Variants in ASPRV1 observed in about 807,000 individuals in gnomAD.
ASPRV1 encodes aspartic peptidase retroviral like 1.
A neutral mutation model predicts 11.0 loss-of-function variants in ASPRV1; 7 were observed. The ratio of observed to expected loss-of-function variants is 0.64; its 90% CI spans 0.36 to 1.20. ASPRV1 has a LOEUF of 1.20. Among genes scored for constraint, ASPRV1 ranks in the 50% most tolerant of loss-of-function variants. ASPRV1 has a pLI of 0.02. For missense variants in ASPRV1, 299 were observed against 320.0 expected (o/e 0.93, Z 0.50); for synonymous variants, 136 against 138.4 (o/e 0.98, Z 0.12).
chr2:70,049,947 C>T, the ASPRV1 span: 2 of 152,168 alleles, frequency 1.3e-5, no homozygotes, highest in East Asian at 1.9e-4. Flanking sequence ...CTTGCTCTTG[C>T]TTCTCCTTTA....
the ASPRV1 span, chr2:70,055,935 T>A: frequency 2.0e-5 from 3 of 152,064 alleles, no homozygotes; most frequent in South Asian, 2.1e-4. Flanking sequence ...AAAATTAAAA[T>A]TTTTAAAAAG....
chr2:70,082,285 T>C, the ASPRV1 span, among the ~76,000 whole-genome samples: 8 of 152,006 alleles, frequency 5.3e-5, no homozygotes, highest in East Asian at 3.9e-4. Flanking sequence ...TAAATAGCTA[T>C]AGGCCAGGCA....
the ASPRV1 span, among the ~76,000 whole-genome samples, chr2:69,997,285 C>T: frequency 6.6e-6 from 1 of 152,092 alleles, no homozygotes; most frequent in Non-Finnish European, 1.5e-5. Flanking sequence ...ATGACCAAGC[C>T]CATGGCTTTA....
downstream of ASPRV1, among the ~76,000 whole-genome samples, chr2:69,957,367 A>G (rs184687564): frequency 1.4e-4 from 22 of 152,044 alleles, no homozygotes; most frequent in Admixed American, 8.5e-4. Flanking sequence ...AACTGGGTGA[A>G]ACGTGGAAAT....
At chr2:70,059,314 T>G in the ASPRV1 span, among the ~76,000 whole-genome samples, 1 of 151,388 alleles carries the variant, frequency 6.6e-6, no homozygotes, top group Non-Finnish European at 1.5e-5. Context: ...CTTTAAGTTC[T>G]GGGCTACATG....
chr2:69,959,567 C>T (rs1170881120), downstream of ASPRV1, among the ~76,000 whole-genome samples: 1 of 152,074 alleles, frequency 6.6e-6, no homozygotes, highest in Non-Finnish European at 1.5e-5. Flanking sequence ...TGTTCCAAGT[C>T]CCTCCAAGAA....
At chr2:69,979,653 C>T in the ASPRV1 span, among the ~76,000 whole-genome samples, 1 of 152,290 alleles carries the variant, frequency 6.6e-6, no homozygotes, top group East Asian at 1.9e-4. Flanking sequence ...AGGCCCCTTG[C>T]CTGTCCACAT....
chr2:69,950,147 T>A, the ASPRV1 span, among the ~76,000 whole-genome samples: 1 of 152,206 alleles, frequency 6.6e-6, no homozygotes, highest in South Asian at 2.1e-4. Flanking sequence ...GCATAAAACA[T>A]AAAGGTGCTG....
chr2:70,043,707 C>T, the ASPRV1 span, among the ~76,000 whole-genome samples: 1 of 152,340 alleles, frequency 6.6e-6, no homozygotes, highest in East Asian at 1.9e-4. Context: ...CACCATTTTG[C>T]ATCATTTCTT....
the ASPRV1 span, among the ~76,000 whole-genome samples, chr2:69,943,270 C>T: frequency 6.6e-6 from 1 of 152,214 alleles, no homozygotes; most frequent in African/African-American, 2.4e-5. Flanking sequence ...ACTGCCAAGA[C>T]TTCTGCATCT....
At chr2:70,042,803 G>T in the ASPRV1 span, among the ~76,000 whole-genome samples, 55 of 152,252 alleles carry the variant, frequency 3.6e-4, no homozygotes, top group African/African-American at 1.3e-3. Flanking sequence ...AACTTTGGGG[G>T]ATAGGGAGGA....
chr2:70,064,299 A>G, the ASPRV1 span, among the ~76,000 whole-genome samples: 3 of 151,960 alleles, frequency 2.0e-5, no homozygotes, highest in African/African-American at 7.2e-5. Context: ...CCAATACTCT[A>G]TCCCCCTCCC....
At chr2:70,005,482 A>C in the ASPRV1 span, among the ~76,000 whole-genome samples, 1 of 152,148 alleles carries the variant, frequency 6.6e-6, no homozygotes. Flanking sequence ...GTATTTATTA[A>C]AGTTACAGAT....
chr2:70,014,813 A>AAG, the ASPRV1 span, among the ~76,000 whole-genome samples: 86 of 150,544 alleles, frequency 5.7e-4, no homozygotes, highest in African/African-American at 2.0e-3. Context: ...AAAAAAAAAA[A>AAG]AAAAAGAAAA....
chr2:69,961,340 G>T lies in ASPRV1; in HGVS notation c.97C>A (p.Leu33Met), dbSNP rs1678093417. 1 of 1,614,052 alleles carries T rather than the reference G, an allele frequency of 6.2e-7. No homozygotes were observed. The highest frequency in any genetic ancestry group is 8.5e-7 in the Non-Finnish European group (1 of 1,180,042). Residue 33 changes from leucine to methionine, a missense_variant, in exon 1 of 1, where the codon CTG becomes ATG. Coordinates refer to ENST00000320256, the MANE Select transcript of ASPRV1 (RefSeq NM_152792.4). ...TCATTGATGACTTCAAAGCTGTGCA[G>T]CCAGAGGTTTGGGACGACATTGGCC... ...DGANVVPNLWLHSFEVINDLN... is the reference protein window; with the variant it reads ...DGANVVPNLWMHSFEVINDLN...
chr2:69,944,607 G>A, the ASPRV1 span, among the ~76,000 whole-genome samples: 209 of 152,338 alleles, frequency 1.4e-3, 1 homozygote, highest in African/African-American at 4.9e-3. Context: ...TGCAAGAGCT[G>A]TGCCAAATTG....
chr2:70,046,764 G>C, the ASPRV1 span: 2 of 152,048 alleles, frequency 1.3e-5, no homozygotes, highest in Non-Finnish European at 2.9e-5. Context: ...TACTGGTCCA[G>C]GCAGGATTAC....
chr2:70,064,004 C>T, the ASPRV1 span: 20 of 152,166 alleles, frequency 1.3e-4, no homozygotes, highest in South Asian at 2.1e-4. Flanking sequence ...AATTCTACTC[C>T]GCTGTCAGTT....
At chr2:70,030,468 A>T in the ASPRV1 span, 1 of 152,068 alleles carries the variant, frequency 6.6e-6, no homozygotes, top group Non-Finnish European at 1.5e-5. Context: ...AGCCTCCAAC[A>T]TATTCCTGTA....
Sources: allele counts gnomAD v4.1 joint callset (sites outside exome capture counted in the v4.1 genomes callset), GRCh38; gene constraint gnomAD v4.1.1; transcripts MANE v1.5; gene names NCBI Gene and HGNC (gene_info 2026-07-23, HGNC 2026-07-21).